DMXL1: variants seen among roughly 807,000 people sequenced by gnomAD.
The protein encoded by DMXL1 is Dmx like 1.
In DMXL1, 99 loss-of-function variants were observed where a neutral mutation model predicts 319.2. That is an observed-to-expected ratio of 0.31 (90% CI 0.26 to 0.37). DMXL1 has a LOEUF of 0.37. Among genes scored for constraint, DMXL1 ranks in the 10% least tolerant of loss-of-function variants. The pLI is 1.00. For missense variants in DMXL1, 3,745 were observed against 3,595.6 expected (o/e 1.04, Z -1.06); for synonymous variants, 1,385 against 1,235.2 (o/e 1.12, Z -2.54).
Position 119,147,329 on chromosome 5 carries a change from T to C in DMXL1, c.2770T>C (p.Ser924Pro), listed in dbSNP as rs1474385525. The C allele has an allele frequency of 1.9e-6, 3 of 1,613,378 alleles. No individual in the cohort carries two copies. In the African/African-American group the frequency reaches 4.0e-5, roughly 22 times the overall value. ...HYSSSPEKIL[S>P]PFSQKYQACR... ...TTCTTCTTCTCCAGAGAAGATCCTA[T>C]CTCCTTTTTCACAAAAGTATCAGGC... Residue 924 changes from serine (S) to proline (P), a missense_variant, in exon 17 of 44, where the codon TCT becomes CCT. Around this residue, in one of 4 missense-constraint regions of DMXL1, gnomAD observed 2,096 missense variants for 1,985.4 expected, o/e 1.06. Transcript: ENST00000539542.
At position 119,110,394 on chromosome 5, in the gene DMXL1, T is replaced by A. The variant is rs1580753301; in HGVS notation, c.497+111T>A. The A allele has an allele frequency of 3.0e-5, 29 of 966,644 alleles. No individual in the cohort carries two copies. The East Asian group carries it at 8.4e-4, about 28-fold the overall frequency. 59.9% of individuals were successfully genotyped at this position (966,644 alleles called of 1,614,324 possible). A position where few individuals can be genotyped will look rare whatever the true frequency, so the allele number is the denominator to read the frequency against. ...CACTGACATAAAAAGTATTGATTTT[T>A]AGTCTATGATATGCTTTTTCTTATA... On this transcript the variant is annotated intron_variant, in intron 5 of 43. Coordinates refer to ENST00000539542, the MANE Select transcript of DMXL1 (RefSeq NM_001290321.3).
At chr5:119,119,320 C>T (rs1761516850) in intron 8 of DMXL1, among the ~76,000 whole-genome samples, 1 of 151,976 alleles carries the variant, frequency 6.6e-6, no homozygotes. Flanking sequence ...TTTTTTCTTT[C>T]TTAGAGCTTG....
At position 119,097,957 on chromosome 5, in the gene DMXL1, TTTTA is replaced by T. The variant is rs768759582; in HGVS notation, c.88-10_88-7del. ...AATGTTTCCTTGACACTTTTATCAT[TTTTA>T]TTTATTTATTTTTTTAGGCTTATGC... On this transcript the variant is annotated intron_variant, in intron 1 of 43. Transcript: ENST00000539542. The T allele has an allele frequency of 6.4e-6, 10 of 1,572,204 alleles. No individual in the cohort carries two copies. The highest frequency in any genetic ancestry group is 1.2e-5 in the South Asian group (1 of 86,804).
At chr5:119,099,617 C>T (rs1046909085) in intron 2 of DMXL1, among the ~76,000 whole-genome samples, 5 of 152,174 alleles carry the variant, frequency 3.3e-5, no homozygotes, top group Non-Finnish European at 5.9e-5. Flanking sequence ...TCTGGACTCA[C>T]ATGGAGCTGG....
chr5:119,191,709 C>G (rs1057091129), intron 29 of DMXL1, among the ~76,000 whole-genome samples: 1 of 152,124 alleles, frequency 6.6e-6, no homozygotes, highest in South Asian at 2.1e-4. Context: ...ATCTCTGTTG[C>G]TTTTGATAAT....
intron 7 of DMXL1, 87 bp downstream of exon 7, chr5:119,116,423 A>G: frequency 7.2e-7 from 1 of 1,382,552 alleles, no homozygotes; most frequent in Non-Finnish European, 1.0e-6. Context: ...GAGAGTCCAT[A>G]GTTACAGGAC....
intron 19 of DMXL1, among the ~76,000 whole-genome samples, chr5:119,153,892 C>G (rs572766798): frequency 1.3e-5 from 2 of 152,332 alleles, no homozygotes; most frequent in East Asian, 3.9e-4. Context: ...TCTTTCAGCA[C>G]CGTTTTTCCA....
chr5:119,087,505 T>C (rs527378324), intron 1 of DMXL1, among the ~76,000 whole-genome samples: 2 of 152,346 alleles, frequency 1.3e-5, no homozygotes, highest in Admixed American at 1.3e-4. Context: ...TATTCCATTG[T>C]AGTGAGAAAA....
intron 1 of DMXL1, among the ~76,000 whole-genome samples, chr5:119,079,057 G>C (rs1047461825): frequency 6.6e-6 from 1 of 152,032 alleles, no homozygotes; most frequent in Non-Finnish European, 1.5e-5. Context: ...ACTATGTAAA[G>C]AAATTCCTGT....
chr5:119,155,379 A>G (rs1158439289), intron 19 of DMXL1, among the ~76,000 whole-genome samples: 1 of 152,230 alleles, frequency 6.6e-6, no homozygotes, highest in East Asian at 1.9e-4. Flanking sequence ...CAAAATATCA[A>G]CATTAACAAG....
At chr5:119,112,292 G>A (rs1484975378) in intron 5 of DMXL1, among the ~76,000 whole-genome samples, 2 of 152,176 alleles carry the variant, frequency 1.3e-5, no homozygotes, top group African/African-American at 4.8e-5. Flanking sequence ...CATTTTGGAA[G>A]TATGATTCAA....
Position 119,173,754 on chromosome 5 carries a change from G to A in DMXL1, c.6682-1507G>A, listed in dbSNP as rs184624466. Among the ~76,000 whole-genome samples the A allele has an allele frequency of 4.1e-3, 321 of 77,924 alleles. 6 individuals are homozygous for A. The East Asian group carries it at 0.074, about 18-fold the overall frequency. The allele number at this position is 77,924 out of a possible 152,430, so 51.1% of individuals were successfully genotyped here. ...TATGTGTGTATATATATATGTGTGT[G>A]TATATATATATATGTGTGTGTGTAT... On this transcript the variant is annotated intron_variant, in intron 25 of 43. Transcript: ENST00000539542.
intron 6 of DMXL1, 58 bp downstream of exon 6, chr5:119,114,599 A>T (rs1760407908): frequency 9.2e-7 from 1 of 1,082,880 alleles, no homozygotes; most frequent in South Asian, 1.4e-5. Flanking sequence ...TTGAAACTTT[A>T]AAAACATCAA....
chr5:119,151,610 A>G (rs578026956), intron 18 of DMXL1, among the ~76,000 whole-genome samples: 1 of 152,292 alleles, frequency 6.6e-6, no homozygotes, highest in East Asian at 1.9e-4. Context: ...TATTGGTTAA[A>G]GATAATACTG....
At chr5:119,175,000 T>G (rs982148413) in intron 25 of DMXL1, among the ~76,000 whole-genome samples, 2 of 152,186 alleles carry the variant, frequency 1.3e-5, no homozygotes, top group Non-Finnish European at 2.9e-5. Context: ...TCTGTTCCCC[T>G]TTGCTCTAGA....
At chr5:119,245,632 C>T (rs923028938) in intron 43 of DMXL1, among the ~76,000 whole-genome samples, 9 of 151,658 alleles carry the variant, frequency 5.9e-5, no homozygotes, top group South Asian at 2.1e-4. Context: ...CTCCACCTCC[C>T]GGGTTCAAGC....
At chr5:119,205,800 G>T (rs944920520) in intron 33 of DMXL1, among the ~76,000 whole-genome samples, 9 of 151,924 alleles carry the variant, frequency 5.9e-5, no homozygotes, top group African/African-American at 1.9e-4. Flanking sequence ...TACCGGAAAG[G>T]TTACTAGCCT....
At chr5:119,233,044 T>TA (rs1306662866) in intron 38 of DMXL1, among the ~76,000 whole-genome samples, 1 of 151,712 alleles carries the variant, frequency 6.6e-6, no homozygotes, top group African/African-American at 2.4e-5. Context: ...TAATTTATTA[T>TA]AAAAAATAAA....
At chr5:119,108,074 A>G (rs1418495480) in intron 4 of DMXL1, among the ~76,000 whole-genome samples, 1 of 152,164 alleles carries the variant, frequency 6.6e-6, no homozygotes, top group African/African-American at 2.4e-5. Context: ...TGAAACAAGA[A>G]AACGAGGGCG....
Sources: allele counts gnomAD v4.1 joint callset (sites outside exome capture counted in the v4.1 genomes callset), GRCh38; gene constraint gnomAD v4.1.1; regional missense constraint gnomAD v4.1.1; transcripts MANE v1.5; gene names NCBI Gene and HGNC (gene_info 2026-07-23, HGNC 2026-07-21).